The following SYPL2 variants were observed in gnomAD, a reference collection of about 807,000 sequenced individuals.
SYPL2 encodes the protein synaptophysin-like protein 2.
In SYPL2, 24 loss-of-function variants were observed where a neutral mutation model predicts 31.3. The observed-to-expected ratio is 0.77, with a 90% CI of 0.56 to 1.08. The LOEUF is 1.08. SYPL2 is among the 50% of genes least tolerant of loss of function. SYPL2 has a pLI of 0.00. For synonymous variants in SYPL2, 144 were observed against 143.1 expected (o/e 1.01, Z -0.05); for missense variants, 342 against 360.1 (o/e 0.95, Z 0.41).
rs544545757 is a variant in SYPL2 at position 109,478,513 on chromosome 1, A to G, written c.648+504A>G. On this transcript the variant is annotated intron_variant, in intron 5 of 5. Transcript: ENST00000369872. The surrounding 1 kb of genome is among the most constrained non-coding windows in gnomAD (Gnocchi z 4.0). ...CCATCCCAGTTGTTAGAATGTTGAA[A>G]TATGTCCATATCCATTGGTAAAGAG... 3.9e-5 allele frequency among the ~76,000 whole-genome samples: 6 copies of G among 152,316 alleles called. 1 individual carries two copies. The East Asian group carries it at 1.2e-3, about 29-fold the overall frequency.
At chr1:109,466,928 G>T (rs1222884322) in intron 1 of SYPL2, 31 bp downstream of exon 1, 2 of 1,531,676 alleles carry the variant, frequency 1.3e-6, no homozygotes, top group African/African-American at 1.4e-5. Context: ...ACTCTCACCC[G>T]CCCCTCTCCA....
rs1432376849 is a variant in SYPL2 at position 109,467,145 on chromosome 1, C to A, written c.129+12C>A. 4 of 1,537,800 alleles carry A rather than the reference C, an allele frequency of 2.6e-6. No homozygotes were observed. Among genetic ancestry groups the A allele is most frequent in the Non-Finnish European group, 3.5e-6 (4 of 1,144,264 alleles). ...AAGTTCTCCAGTGGGTGAGTCGCTG[C>A]CCCGGCCCCGGGCTATTTCGGGAGC... On this transcript the variant is annotated intron_variant, in intron 2 of 5. Coordinates refer to ENST00000369872, the MANE Select transcript of SYPL2 (RefSeq NM_001040709.2).
chr1:109,472,642 T>C (rs1655869989), intron 2 of SYPL2, among the ~76,000 whole-genome samples: 1 of 147,286 alleles, frequency 6.8e-6, no homozygotes, highest in Non-Finnish European at 1.5e-5. Context: ...ATGGGGGTCT[T>C]GTTCTGTTGC....
At chr1:109,473,893 T>TA (rs5776978) in intron 2 of SYPL2, among the ~76,000 whole-genome samples, 93,245 of 138,238 alleles carry the variant, frequency 0.67, 31,492 homozygotes, top group East Asian at 0.95. Context: ...AGACTCCATC[T>TA]AAAAAAAAAA....
At chr1:109,467,712 A>G (rs1009302844) in intron 2 of SYPL2, among the ~76,000 whole-genome samples, 10 of 152,158 alleles carry the variant, frequency 6.6e-5, no homozygotes, top group African/African-American at 2.2e-4. Context: ...GAATGAACGG[A>G]GCTTGTGGTT....
Position 109,479,803 on chromosome 1 carries a change from A to G in SYPL2, c.*255A>G, listed in dbSNP as rs1656112138. On this transcript the variant is annotated 3_prime_UTR_variant, in exon 6 of 6. Transcript: ENST00000369872. ...TGCAGTGCCTGGACCCAGGTATCTT[A>G]CTTGGGGTCTTACTTGTACCCTTAC... 1 of 529,890 alleles carries G rather than the reference A, an allele frequency of 1.9e-6. No individual in the cohort carries two copies. The highest frequency in any genetic ancestry group is 1.9e-5 in the African/African-American group (1 of 52,822). The allele number at this position is 529,890 out of a possible 1,614,324, so 32.8% of individuals were successfully genotyped here. A position where few individuals can be genotyped will look rare whatever the true frequency, so the allele number is the denominator to read the frequency against.
intron 4 of SYPL2, among the ~76,000 whole-genome samples, 161 bp from the exon 5 acceptor site, chr1:109,477,657 A>G (rs1486623098): frequency 6.6e-6 from 1 of 152,182 alleles, no homozygotes; most frequent in Non-Finnish European, 1.5e-5. Flanking sequence ...GGGGGCAGTG[A>G]ACAGATGCCT....
chr1:109,479,942 TA>T lies in SYPL2; in HGVS notation c.*395del, dbSNP rs1656115459. The T allele has an allele frequency of 5.4e-6, 1 of 186,054 alleles. No homozygotes were observed. Among genetic ancestry groups the T allele is most frequent in the Admixed American group, 5.6e-5 (1 of 17,806 alleles). 11.5% of individuals were successfully genotyped at this position (186,054 alleles called of 1,614,324 possible). On this transcript the variant is annotated 3_prime_UTR_variant, in exon 6 of 6. Coordinates refer to ENST00000369872, the MANE Select transcript of SYPL2 (RefSeq NM_001040709.2). Reference sequence around the variant, plus strand: ...TCAACCTGTCCGGCTTCAACAATATTAGGGGGAAGGGAAATCAGCTAGTAGC... The same window carrying T: ...TCAACCTGTCCGGCTTCAACAATATTGGGGGAAGGGAAATCAGCTAGTAGC...
intron 2 of SYPL2, among the ~76,000 whole-genome samples, chr1:109,470,742 T>G (rs1304484808): frequency 6.6e-6 from 1 of 151,854 alleles, no homozygotes; most frequent in African/African-American, 2.4e-5. Flanking sequence ...AAATCTGGAG[T>G]GGAAAGATGG....
intron 2 of SYPL2, 181 bp from the exon 3 acceptor site, chr1:109,475,400 C>A: frequency 1.2e-6 from 1 of 810,172 alleles, no homozygotes; most frequent in Non-Finnish European, 1.8e-6. Context: ...GGTCCAGCAG[C>A]CTGAGGCTGG....
intron 3 of SYPL2, among the ~76,000 whole-genome samples, chr1:109,476,093 C>T (rs1655990755): frequency 6.6e-6 from 1 of 152,170 alleles, no homozygotes; most frequent in African/African-American, 2.4e-5. Context: ...TTAGTACTTA[C>T]ATCCTAAAGA....
chr1:109,477,950 G>A lies in SYPL2; in HGVS notation c.589G>A (p.Glu197Lys), dbSNP rs1162058845. 14 of 1,614,240 alleles carry A rather than the reference G, an allele frequency of 8.7e-6. No individual in the cohort carries two copies. Among genetic ancestry groups the A allele is most frequent in the Non-Finnish European group, 1.1e-5 (13 of 1,180,036 alleles). ...AGCAGCCATGTCAGTGTGCCATGGAGAGGAAGCAGTGTGCAGTGCCGGGGC... is the reference window on the plus strand; with the variant it reads ...AGCAGCCATGTCAGTGTGCCATGGAAAGGAAGCAGTGTGCAGTGCCGGGGC... Reference protein sequence around the residue: ...LTAAMSVCHGEEAVCSAGATP... With the variant: ...LTAAMSVCHGKEAVCSAGATP... Residue 197 changes from glutamate to lysine, a missense_variant, in exon 5 of 6, where the codon GAG becomes AAG. Coordinates refer to ENST00000369872, the MANE Select transcript of SYPL2 (RefSeq NM_001040709.2).
Position 109,475,684 on chromosome 1 carries a change from T to C in SYPL2, c.233T>C (p.Val78Ala), listed in dbSNP as rs1260770896. Residue 78 changes from valine (V) to alanine (A), a missense_variant, in exon 3 of 6, where the codon GTT (valine) becomes GCT (alanine). Val to Ala is a moderately conservative substitution (Grantham distance 64). Transcript: ENST00000369872. ...NEAKDVSSII[V>A]AFGYPFRLHR... ...GCCAAGGACGTGAGCTCCATCATCG[T>C]TGCATTTGGCTATCCCTTCAGGTGA... 2.5e-6 allele frequency: 4 copies of C among 1,613,956 alleles called. No individual in the cohort carries two copies. Among genetic ancestry groups the C allele is most frequent in the African/African-American group, 2.7e-5 (2 of 74,928 alleles).
chr1:109,467,252 G>A (rs1285287420), intron 2 of SYPL2, 119 bp downstream of exon 2: 2 of 739,224 alleles, frequency 2.7e-6, no homozygotes, highest in African/African-American at 3.7e-5. Flanking sequence ...GCGGAAGGGT[G>A]GGGGGCGGCG....
chr1:109,474,325 T>C (rs905847599), intron 2 of SYPL2, among the ~76,000 whole-genome samples: 1 of 103,982 alleles, frequency 9.6e-6, no homozygotes, highest in African/African-American at 3.4e-5. Flanking sequence ...TTTCTTTTCT[T>C]TTTTTTTTTT....
At chr1:109,474,323 C>CTTTTT (rs67683974) in intron 2 of SYPL2, among the ~76,000 whole-genome samples, 78 of 75,352 alleles carry the variant, frequency 1.0e-3, no homozygotes, top group Non-Finnish European at 1.6e-3. Context: ...CTTTTCTTTT[C>CTTTTT]TTTTTTTTTT....
intron 2 of SYPL2, among the ~76,000 whole-genome samples, chr1:109,469,994 T>C (rs375090772): frequency 3.3e-5 from 5 of 151,816 alleles, no homozygotes; most frequent in Non-Finnish European, 5.9e-5. Flanking sequence ...TTTTTTTTTT[T>C]CAGACAGGCT....
Position 109,479,547 on chromosome 1 carries a change from A to C in SYPL2, c.818A>C (p.Ter273SerextTer39). The C allele has an allele frequency of 6.2e-7, 1 of 1,612,284 alleles. No individual in the cohort carries two copies. ...AAEQGAVEKQ[*>S] is the part of the protein sequence containing the mutation. ...GAGCAGGGAGCAGTGGAGAAGCAGT[A>C]AGCAGCCCCCCACCTGGCTATTCCC... The change falls in exon 6 of 6, where the codon TAA becomes TCA. Residue 273 changes from the stop codon to serine, a stop_lost. Coordinates refer to ENST00000369872, the MANE Select transcript of SYPL2 (RefSeq NM_001040709.2).
intron 2 of SYPL2, among the ~76,000 whole-genome samples, chr1:109,472,623 T>G (rs1159601563): frequency 1.4e-5 from 2 of 146,240 alleles, no homozygotes; most frequent in African/African-American, 5.1e-5. Flanking sequence ...TTTTTTTTTT[T>G]TTTTTGAGAT....
Sources: gnomAD v4.1 joint callset for allele counts (sites outside exome capture counted in the v4.1 genomes callset) on GRCh38, gnomAD v4.1.1 for gene constraint, Gnocchi (gnomAD v3.1) non-coding constraint, MANE v1.5 for transcripts, NCBI Gene and HGNC (gene_info 2026-07-23, HGNC 2026-07-21) for gene names.